The following RPS6KA3 variants were observed in gnomAD, a reference collection of about 807,000 sequenced individuals.
RPS6KA3 encodes ribosomal protein S6 kinase alpha-3.
A neutral mutation model predicts 67.2 loss-of-function variants in RPS6KA3; 4 were observed. That is an observed-to-expected ratio of 0.06 (90% confidence interval 0.03 to 0.14). The LOEUF is 0.14. RPS6KA3 is among the 10% of genes least tolerant of loss of function. The pLI, the probability that RPS6KA3 is intolerant of heterozygous loss-of-function variation, is 1.00. For synonymous variants in RPS6KA3, 182 were observed against 183.7 expected (o/e 0.99, Z 0.07); for missense variants, 204 against 559.0 (o/e 0.36, Z 6.40).
In RPS6KA3 at chrX:20,250,110, CTA is replaced by C. The variant is rs1267109176; in HGVS notation, c.70-15298_70-15297del. Among the ~76,000 whole-genome samples, 4 of 112,069 alleles carry C rather than the reference CTA, an allele frequency of 3.6e-5. No individual in the cohort carries two copies. In the East Asian group the frequency reaches 1.1e-3, roughly 31 times the overall value. On this transcript the variant is annotated intron_variant, in intron 1 of 21. Transcript: ENST00000379565. ...TTGTTCTCCATCTTATTCCACTGAT[CTA>C]TGTGTGTATCCCCTTGCCAATACTA...
intron 15 of RPS6KA3, 114 bp downstream of exon 15, chrX:20,172,632 A>T: frequency 1.7e-6 from 1 of 601,112 alleles, no homozygotes; most frequent in Non-Finnish European, 2.7e-6. Context: ...CCAGATATTT[A>T]ACTTTTTTAT....
At chrX:20,166,631 C>T (rs2148647211) in intron 17 of RPS6KA3, among the ~76,000 whole-genome samples, 1 of 109,236 alleles carries the variant, frequency 9.2e-6, no homozygotes, top group East Asian at 2.9e-4. Context: ...CCCTTGCTTT[C>T]TGCTCCTCTG....
In RPS6KA3 at chrX:20,217,064, A is replaced by G. The variant is rs978834588; in HGVS notation, c.127-7660T>C. Among the ~76,000 whole-genome samples, 6 of 112,264 alleles carry G rather than the reference A, an allele frequency of 5.3e-5. No homozygotes were observed. In the Admixed American group the frequency reaches 5.7e-4, roughly 11 times the overall value. Reference sequence around the variant, plus strand: ...AACAAAGTCAGTTCAGTTGAAACATATACTTTTACAATTCTGTAAAGAGTG... The same window carrying G: ...AACAAAGTCAGTTCAGTTGAAACATGTACTTTTACAATTCTGTAAAGAGTG... On this transcript the variant is annotated intron_variant, in intron 2 of 21. Coordinates refer to ENST00000379565, the MANE Select transcript of RPS6KA3 (RefSeq NM_004586.3).
At chrX:20,222,684 G>C (rs1394117837) in intron 2 of RPS6KA3, among the ~76,000 whole-genome samples, 1 of 110,984 alleles carries the variant, frequency 9.0e-6, no homozygotes, top group Non-Finnish European at 1.9e-5. Flanking sequence ...AAATAACATT[G>C]GTTATTGACT....
At chrX:20,213,150 G>T (rs747737533) in intron 2 of RPS6KA3, among the ~76,000 whole-genome samples, 6 of 111,561 alleles carry the variant, frequency 5.4e-5, no homozygotes, top group Non-Finnish European at 9.4e-5. Flanking sequence ...ATAGCCTTTT[G>T]TCAACCCAGG....
rs752655393 is a variant in RPS6KA3 at position 20,261,022 on chromosome X, T to C, written c.69+5542A>G. ...ATTACTTAATTACTAGTAACTAATGTATTTGCTTAAAATAGGTCACATGAC... is the reference window on the plus strand; with the variant it reads ...ATTACTTAATTACTAGTAACTAATGCATTTGCTTAAAATAGGTCACATGAC... On this transcript the variant is annotated intron_variant, in intron 1 of 21. Transcript: ENST00000379565. 1.1e-3 allele frequency among the ~76,000 whole-genome samples: 125 copies of C among 111,964 alleles called. 1 individual carries two copies. The highest frequency in any genetic ancestry group is 4.8e-3 in the Admixed American group (50 of 10,514).
At position 20,165,065 on chromosome X, in the gene RPS6KA3, T is replaced by G; in HGVS notation, c.1603-5A>C. The stretch of plus-strand genomic sequence containing the variant: ...TTTCAAGTCTCTATGAACCACCTAA[T>G]TGAAATACAAATTAAAGAGTTATGT... On this transcript the variant is annotated splice_polypyrimidine_tract_variant and splice_region_variant and intron_variant, in intron 17 of 21. Coordinates refer to ENST00000379565, the MANE Select transcript of RPS6KA3 (RefSeq NM_004586.3). 8.6e-7 allele frequency: 1 copy of G among 1,157,768 alleles called. No homozygotes were observed. The highest frequency in any genetic ancestry group is 3.0e-5 in the East Asian group (1 of 33,662).
chrX:20,180,484 T>A (rs1333161401), intron 10 of RPS6KA3, among the ~76,000 whole-genome samples: 1 of 112,319 alleles, frequency 8.9e-6, no homozygotes. Flanking sequence ...TTAAATCCTT[T>A]CAGTTGGTTT....
chrX:20,213,241 T>A (rs1215016665), intron 2 of RPS6KA3, among the ~76,000 whole-genome samples: 3 of 112,089 alleles, frequency 2.7e-5, no homozygotes, highest in African/African-American at 9.7e-5. Context: ...GCAGAATAGC[T>A]TATGGTGAAA....
At chrX:20,260,122 T>G (rs2070184763) in intron 1 of RPS6KA3, among the ~76,000 whole-genome samples, 2 of 111,655 alleles carry the variant, frequency 1.8e-5, no homozygotes, top group South Asian at 3.7e-4. Context: ...ACAGAACGGA[T>G]TCATCCTAAA....
intron 13 of RPS6KA3, among the ~76,000 whole-genome samples, 178 bp from the exon 14 acceptor site, chrX:20,175,466 T>C (rs1382972685): frequency 8.9e-6 from 1 of 112,185 alleles, no homozygotes; most frequent in Non-Finnish European, 1.9e-5. Flanking sequence ...TGATTGTGTA[T>C]TGCCATTACA....
At chrX:20,238,044 G>A (rs1488063058) in intron 1 of RPS6KA3, among the ~76,000 whole-genome samples, 1 of 111,295 alleles carries the variant, frequency 9.0e-6, no homozygotes, top group African/African-American at 3.3e-5. Context: ...CAAAGTCACA[G>A]GAAGTAAATC....
chrX:20,247,830 C>T (rs1472614485), intron 1 of RPS6KA3, among the ~76,000 whole-genome samples: 1 of 107,945 alleles, frequency 9.3e-6, no homozygotes, highest in African/African-American at 3.4e-5. Flanking sequence ...AATACTTATT[C>T]AAAACAAAGG....
chrX:20,206,240 G>C (rs1681426660), intron 3 of RPS6KA3, among the ~76,000 whole-genome samples: 1 of 112,019 alleles, frequency 8.9e-6, no homozygotes, highest in Non-Finnish European at 1.9e-5. Flanking sequence ...GCTTACTGTG[G>C]CCTTTCAGAA....
intron 2 of RPS6KA3, among the ~76,000 whole-genome samples, chrX:20,234,510 T>C (rs1284257058): frequency 9.0e-6 from 1 of 111,280 alleles, no homozygotes; most frequent in Admixed American, 9.5e-5. Flanking sequence ...AACATAAGCT[T>C]TAGGCACTAA....
intron 1 of RPS6KA3, among the ~76,000 whole-genome samples, chrX:20,253,966 TTTTTATTAA>T (rs1430418239): frequency 1.8e-5 from 2 of 111,747 alleles, no homozygotes; most frequent in Non-Finnish European, 3.8e-5. Context: ...TGAGCTCTTC[TTTTTATTAA>T]TCCAAGGCAA....
In RPS6KA3 at chrX:20,161,698, G is replaced by A. The variant is rs1049036932; in HGVS notation, c.1905C>T (p.Ser635=). 2.1e-5 allele frequency: 25 copies of A among 1,174,383 alleles called. No homozygotes were observed. Among genetic ancestry groups the A allele is most frequent in the Non-Finnish European group, 2.8e-5 (24 of 871,246 alleles). ...TPEEILARIG[S]GKFSLSGGYW... The stretch of plus-strand genomic sequence containing the variant: ...AACCACCACTGAGTGAGAATTTTCC[G>A]CTACCTATTCGTGCCAATATTTCCT... Residue 635 remains serine (S), a synonymous_variant, in exon 20 of 22, where the codon AGC becomes AGT. Coordinates refer to ENST00000379565, the MANE Select transcript of RPS6KA3 (RefSeq NM_004586.3).
At chrX:20,251,417 T>C (rs1378730858) in intron 1 of RPS6KA3, among the ~76,000 whole-genome samples, 1 of 113,046 alleles carries the variant, frequency 8.8e-6, no homozygotes, top group Non-Finnish European at 1.9e-5. Flanking sequence ...GCTGGGATTA[T>C]AGGCGTAAGC....
intron 20 of RPS6KA3, among the ~76,000 whole-genome samples, chrX:20,158,362 T>C (rs1397761335): frequency 4.7e-5 from 3 of 63,709 alleles, no homozygotes; most frequent in Non-Finnish European, 8.2e-5. Context: ...TAAGACTCTA[T>C]CTCAAAAAAA....
Sources: allele counts gnomAD v4.1 joint callset (sites outside exome capture counted in the v4.1 genomes callset), GRCh38; gene constraint gnomAD v4.1.1; transcripts MANE v1.5; gene names NCBI Gene and HGNC (gene_info 2026-07-23, HGNC 2026-07-21).